Variants in ARSF observed in about 807,000 individuals in gnomAD.
The protein encoded by ARSF is arylsulfatase F.
In ARSF, 33 loss-of-function variants were observed where a neutral mutation model predicts 35.4. The ratio of observed to expected loss-of-function variants is 0.93; its 90% CI spans 0.71 to 1.25. The LOEUF is 1.25. ARSF is among the 50% of genes most tolerant of loss of function. ARSF has a pLI of 0.00. For missense variants in ARSF, 501 were observed against 480.2 expected (o/e 1.04, Z -0.40); for synonymous variants, 222 against 193.1 (o/e 1.15, Z -1.24).
chrX:3,074,925 C>T (rs911442828), intron 3 of ARSF, among the ~76,000 whole-genome samples: 2 of 111,878 alleles, frequency 1.8e-5, no homozygotes, highest in Non-Finnish European at 3.8e-5. Context: ...AGATTCCACA[C>T]ATAAGTGAGA....
intron 1 of ARSF, among the ~76,000 whole-genome samples, chrX:3,057,256 G>A (rs1448393688): frequency 8.9e-6 from 1 of 112,366 alleles, no homozygotes; most frequent in Non-Finnish European, 1.9e-5. Context: ...AGAATTATCT[G>A]TTGCATCAGA....
intron 1 of ARSF, among the ~76,000 whole-genome samples, chrX:3,047,919 C>G (rs1252623453): frequency 9.0e-6 from 1 of 110,896 alleles, no homozygotes; most frequent in South Asian, 3.9e-4. Context: ...GGAAGCCTCA[C>G]GATCATGGTG....
chrX:3,047,040 T>G (rs1372247520), intron 1 of ARSF, among the ~76,000 whole-genome samples: 1 of 111,008 alleles, frequency 9.0e-6, no homozygotes, highest in Non-Finnish European at 1.9e-5. Flanking sequence ...AAAGCTGTCC[T>G]AAGCCACGTG....
At chrX:3,072,370 T>G (rs1174210754) in intron 3 of ARSF, among the ~76,000 whole-genome samples, 195 bp downstream of exon 3, 3 of 112,375 alleles carry the variant, frequency 2.7e-5, no homozygotes, top group Non-Finnish European at 3.7e-5. Flanking sequence ...AATTTTAATT[T>G]GAATCTCTTT....
At chrX:3,065,287 G>A (rs1384662396) in intron 1 of ARSF, among the ~76,000 whole-genome samples, 1 of 105,434 alleles carries the variant, frequency 9.5e-6, no homozygotes, top group Non-Finnish European at 1.9e-5. Context: ...CCTGTTGTGG[G>A]GTGGGGGGTT....
intron 1 of ARSF, among the ~76,000 whole-genome samples, 197 bp downstream of exon 1, chrX:3,041,860 A>G (rs2089957092): frequency 8.9e-6 from 1 of 112,439 alleles, no homozygotes; most frequent in Admixed American, 9.5e-5. Flanking sequence ...TAATAAGCCA[A>G]AACGCTTTTC....
chrX:3,102,496 T>G (rs2090383780), intron 8 of ARSF, among the ~76,000 whole-genome samples: 1 of 112,772 alleles, frequency 8.9e-6, no homozygotes, highest in Non-Finnish European at 1.9e-5. Flanking sequence ...CCATGGTGTA[T>G]GTACACCACG....
At chrX:3,049,796 A>C (rs774198090) in intron 1 of ARSF, among the ~76,000 whole-genome samples, 4 of 111,783 alleles carry the variant, frequency 3.6e-5, no homozygotes, top group Non-Finnish European at 7.5e-5. Context: ...AGGGAAGGGA[A>C]AAGTGAGTCA....
chrX:3,104,103 C>A (rs2090397798), intron 9 of ARSF, among the ~76,000 whole-genome samples, 179 bp downstream of exon 9: 1 of 111,657 alleles, frequency 9.0e-6, no homozygotes, highest in Non-Finnish European at 1.9e-5. Context: ...CCAGTCTTTT[C>A]TTTTTTTCTA....
At chrX:3,086,315 G>A (rs1228755343) in intron 6 of ARSF, among the ~76,000 whole-genome samples, 1 of 112,337 alleles carries the variant, frequency 8.9e-6, no homozygotes, top group African/African-American at 3.2e-5. Context: ...CTATGGTTGA[G>A]ATGTACATTG....
intron 5 of ARSF, 149 bp downstream of exon 5, chrX:3,081,162 G>A: frequency 3.8e-6 from 3 of 793,319 alleles, no homozygotes; most frequent in African/African-American, 4.2e-5. Context: ...CCAGTACTTT[G>A]GGAGGCCAAG....
At chrX:3,105,118 G>A (rs1203997803) in intron 9 of ARSF, among the ~76,000 whole-genome samples, 1 of 111,967 alleles carries the variant, frequency 8.9e-6, no homozygotes, top group African/African-American at 3.2e-5. Context: ...AGCCCACAGA[G>A]TTCTTGTAAT....
intron 6 of ARSF, among the ~76,000 whole-genome samples, chrX:3,087,997 T>C (rs1027653342): frequency 1.8e-5 from 2 of 112,335 alleles, no homozygotes; most frequent in African/African-American, 3.2e-5. Flanking sequence ...TTTTTTTATT[T>C]CTTTATATTT....
In ARSF at chrX:3,103,940, C is replaced by T; in HGVS notation, c.1265+16C>T. Reference sequence around the variant, plus strand: ...CTCAGGACAGGTGATGTCATATAAACTGTTAACAAGAGCTTATTTTCACCC... The same window carrying T: ...CTCAGGACAGGTGATGTCATATAAATTGTTAACAAGAGCTTATTTTCACCC... On this transcript the variant is annotated intron_variant, in intron 9 of 10. Transcript: ENST00000381127. The T allele has an allele frequency of 8.3e-7, 1 of 1,203,573 alleles. No homozygotes were observed. Among genetic ancestry groups the T allele is most frequent in the Non-Finnish European group, 1.1e-6 (1 of 889,971 alleles).
intron 3 of ARSF, among the ~76,000 whole-genome samples, chrX:3,075,837 G>GT (rs2090143032): frequency 9.7e-6 from 1 of 103,230 alleles, no homozygotes; most frequent in Non-Finnish European, 2.0e-5. Flanking sequence ...CCCTCTGTCT[G>GT]TATCTTTCCA....
At chrX:3,067,630 G>A (rs887670522) in intron 1 of ARSF, among the ~76,000 whole-genome samples, 1 of 110,275 alleles carries the variant, frequency 9.1e-6, no homozygotes, top group East Asian at 2.8e-4. Context: ...GCCAAAAGAC[G>A]GGCAGAGCAC....
chrX:3,068,550 G>C (rs773325395), intron 2 of ARSF, among the ~76,000 whole-genome samples: 15 of 111,409 alleles, frequency 1.3e-4, no homozygotes, highest in African/African-American at 4.6e-4. Flanking sequence ...CTCCAGAGTA[G>C]CTGGGACCTC....
At chrX:3,089,234 C>T (rs1011668310) in intron 6 of ARSF, among the ~76,000 whole-genome samples, 1 of 111,289 alleles carries the variant, frequency 9.0e-6, no homozygotes, top group Non-Finnish European at 1.9e-5. Flanking sequence ...TTTTGTTTCT[C>T]CCGCTCCCTT....
intron 1 of ARSF, among the ~76,000 whole-genome samples, chrX:3,042,386 T>C (rs2089958975): frequency 8.9e-6 from 1 of 112,116 alleles, no homozygotes; most frequent in South Asian, 3.7e-4. Flanking sequence ...ATAATAGATA[T>C]TCACTAAATG....
Sources: allele counts gnomAD v4.1 joint callset (sites outside exome capture counted in the v4.1 genomes callset), GRCh38; gene constraint gnomAD v4.1.1; transcripts MANE v1.5; gene names NCBI Gene and HGNC (gene_info 2026-07-23, HGNC 2026-07-21).